The following SMARCC1 variants were observed in gnomAD, a reference collection of about 807,000 sequenced individuals.
SMARCC1 encodes SWI/SNF complex subunit SMARCC1.
Under a neutral mutation model 147.4 loss-of-function variants are expected in SMARCC1, and 43 were observed. The ratio of observed to expected loss-of-function variants is 0.29; its 90% CI spans 0.23 to 0.38. The LOEUF (loss-of-function observed/expected upper bound fraction) is 0.38, where lower values mean the gene tolerates loss of function less well. Among genes scored for constraint, SMARCC1 ranks in the 10% least tolerant of loss-of-function variants. The pLI is 1.00. For synonymous variants in SMARCC1, 495 were observed against 484.4 expected (o/e 1.02, Z -0.29); for missense variants, 1,119 against 1,381.1 (o/e 0.81, Z 3.01).
At chr3:47,595,712 C>T (rs781247982) in intron 26 of SMARCC1, among the ~76,000 whole-genome samples, 7 of 151,202 alleles carry the variant, frequency 4.6e-5, no homozygotes, top group East Asian at 1.9e-4. Context: ...TGTATTACAC[C>T]GAGGCTTATA....
intron 14 of SMARCC1, among the ~76,000 whole-genome samples, chr3:47,682,152 G>A (rs1052815311): frequency 2.6e-5 from 4 of 151,598 alleles, no homozygotes; most frequent in African/African-American, 7.3e-5. Context: ...AAAATTAGCC[G>A]GGCATGGTGT....
At chr3:47,590,930 A>G in intron 26 of SMARCC1, 93 bp from the exon 27 acceptor site, 3 of 1,033,936 alleles carry the variant, frequency 2.9e-6, no homozygotes, top group East Asian at 2.6e-5. Context: ...CAAATATCCA[A>G]CCTTCCAAAG....
rs981541783 is a variant in SMARCC1 at position 47,638,787 on chromosome 3, G to A, written c.2321-7C>T. On this transcript the variant is annotated splice_region_variant and splice_polypyrimidine_tract_variant and intron_variant, in intron 21 of 27. Transcript: ENST00000254480. ...TTTTCCTCTTCAGCTCCTTCTACAA[G>A]TAAAAGAATAAGAACAAGTACTCCA... 6 of 1,605,400 alleles carry A rather than the reference G, an allele frequency of 3.7e-6. No individual in the cohort carries two copies. The highest frequency in any genetic ancestry group is 4.3e-6 in the Non-Finnish European group (5 of 1,172,122).
At chr3:47,696,480 C>T (rs1430970086) in intron 11 of SMARCC1, among the ~76,000 whole-genome samples, 1 of 152,016 alleles carries the variant, frequency 6.6e-6, no homozygotes, top group African/African-American at 2.4e-5. Flanking sequence ...CAAAGGTTCA[C>T]CAAAGTAGAC....
At chr3:47,606,508 AG>A (rs2032479188) in intron 26 of SMARCC1, among the ~76,000 whole-genome samples, 1 of 152,182 alleles carries the variant, frequency 6.6e-6, no homozygotes, top group East Asian at 1.9e-4. Context: ...AATCTCATTT[AG>A]GGAAGAAAGT....
chr3:47,611,305 T>C (rs1014229), intron 25 of SMARCC1, among the ~76,000 whole-genome samples: 43,535 of 152,124 alleles, frequency 0.29, 7,024 homozygotes, highest in East Asian at 0.43. Flanking sequence ...TGCTGTGTTG[T>C]CCAATACAGC....
At chr3:47,652,623 CAAAAA>C (rs11377736) in intron 21 of SMARCC1, among the ~76,000 whole-genome samples, 1 of 134,960 alleles carries the variant, frequency 7.4e-6, no homozygotes, top group South Asian at 2.3e-4. Context: ...CTTGCTTTTG[CAAAAA>C]AAAAAAAAAA....
At chr3:47,650,826 T>A (rs1028518335) in intron 21 of SMARCC1, among the ~76,000 whole-genome samples, 5 of 148,790 alleles carry the variant, frequency 3.4e-5, no homozygotes, top group Non-Finnish European at 4.5e-5. Flanking sequence ...TAAAAAAAAA[T>A]AAAAATAAAT....
At chr3:47,679,564 G>C (rs986933010) in intron 15 of SMARCC1, among the ~76,000 whole-genome samples, 1 of 152,096 alleles carries the variant, frequency 6.6e-6, no homozygotes, top group African/African-American at 2.4e-5. Flanking sequence ...CACACAAGTT[G>C]AAAGTTGTTA....
At chr3:47,622,431 T>C in intron 24 of SMARCC1, 90 bp from the exon 25 acceptor site, 2 of 1,260,844 alleles carry the variant, frequency 1.6e-6, no homozygotes, top group Non-Finnish European at 2.3e-6. Context: ...GTAGAGATTA[T>C]ATAATTTACA....
chr3:47,742,539 C>T (rs2034520363), intron 3 of SMARCC1, among the ~76,000 whole-genome samples: 2 of 152,092 alleles, frequency 1.3e-5, no homozygotes, highest in Non-Finnish European at 2.9e-5. Flanking sequence ...TTGATTTTAC[C>T]TATTTAGAAA....
At chr3:47,609,088 G>C (rs2032525120) in intron 26 of SMARCC1, among the ~76,000 whole-genome samples, 1 of 152,140 alleles carries the variant, frequency 6.6e-6, no homozygotes, top group South Asian at 2.1e-4. Context: ...GTCAACAAAT[G>C]TGTGAATCTT....
intron 22 of SMARCC1, among the ~76,000 whole-genome samples, chr3:47,636,786 ATATGTGTGTGTGTGTG>A (rs1196275603): frequency 0.012 from 1,714 of 140,986 alleles, 13 homozygotes; most frequent in African/African-American, 0.014. Context: ...CAAAATATAT[ATATGTGTGTGTGTGTG>A]TGTGTGTGTG....
intron 2 of SMARCC1, among the ~76,000 whole-genome samples, chr3:47,746,590 T>C (rs1427339538): frequency 6.6e-6 from 1 of 152,032 alleles, no homozygotes; most frequent in Non-Finnish European, 1.5e-5. Context: ...CTGGACAATA[T>C]AGCAAGACCC....
intron 1 of SMARCC1, among the ~76,000 whole-genome samples, chr3:47,779,329 A>G (rs2035014972): frequency 6.6e-6 from 1 of 152,248 alleles, no homozygotes; most frequent in South Asian, 2.1e-4. Flanking sequence ...ATGCAGTATT[A>G]AATGCACTAG....
intron 3 of SMARCC1, among the ~76,000 whole-genome samples, chr3:47,744,518 A>G (rs775570972): frequency 6.6e-5 from 10 of 152,182 alleles, no homozygotes; most frequent in African/African-American, 9.6e-5. Context: ...GTTGATCTAA[A>G]TATTTATTTG....
chr3:47,664,179 A>T (rs2033389742), intron 19 of SMARCC1, among the ~76,000 whole-genome samples: 1 of 136,658 alleles, frequency 7.3e-6, no homozygotes, highest in East Asian at 2.1e-4. Flanking sequence ...AATAAACTCT[A>T]AAAAAAAAAA....
intron 26 of SMARCC1, among the ~76,000 whole-genome samples, chr3:47,607,508 T>A (rs1002843854): frequency 6.6e-6 from 1 of 152,154 alleles, no homozygotes; most frequent in Non-Finnish European, 1.5e-5. Flanking sequence ...TATAAAAATC[T>A]TACAAGATGA....
chr3:47,610,174 G>C lies in SMARCC1; in HGVS notation c.2935C>G (p.Leu979Val). 6.2e-7 allele frequency: 1 copy of C among 1,614,192 alleles called. No homozygotes were observed. The highest frequency in any genetic ancestry group is 1.1e-5 in the South Asian group (1 of 91,076). The change falls in exon 26 of 28, where the codon CTG (leucine) becomes GTG (valine). Residue 979 changes from leucine (L) to valine (V), a missense_variant. Leu to Val is a conservative substitution (Grantham distance 32, BLOSUM62 1). Around this residue, in one of 6 missense-constraint regions of SMARCC1, gnomAD observed 186 missense variants for 216.5 expected, o/e 0.86. Coordinates refer to ENST00000254480, the MANE Select transcript of SMARCC1 (RefSeq NM_003074.4). ...TGCCCTGCTGCTCCAAGTGGGGCCA[G>C]GCCAGGTCCTCCTGAGTGCTGGTGT... ...QAHQHSGGPG[L>V]APLGAAGHPG...
Sources: gnomAD v4.1 joint callset for allele counts (sites outside exome capture counted in the v4.1 genomes callset) on GRCh38, gnomAD v4.1.1 for gene constraint, gnomAD v4.1.1 regional missense constraint, MANE v1.5 for transcripts, NCBI Gene and HGNC (gene_info 2026-07-23, HGNC 2026-07-21) for gene names.